EIPR1: variants seen among roughly 807,000 people sequenced by gnomAD.
EIPR1 encodes EARP complex and GARP complex interacting protein 1, also known as EARP and GARP complex-interacting protein 1.
In EIPR1, 25 loss-of-function variants were observed where a neutral mutation model predicts 48.1. The ratio of observed to expected loss-of-function variants is 0.52; its 90% CI spans 0.38 to 0.73. The LOEUF (loss-of-function observed/expected upper bound fraction) is 0.73. Among genes scored for constraint, EIPR1 ranks in the 30% least tolerant of loss-of-function variants. EIPR1 has a pLI of 0.00. For missense variants in EIPR1, 415 were observed against 506.2 expected (o/e 0.82, Z 1.73); for synonymous variants, 204 against 201.9 (o/e 1.01, Z -0.09).
Position 3,221,696 on chromosome 2 carries a change from A to C in EIPR1, c.417-7448T>G, listed in dbSNP as rs555732286. 7.3e-3 allele frequency among the ~76,000 whole-genome samples: 149 copies of C among 20,540 alleles called. 10 individuals are homozygous for C. The highest frequency in any genetic ancestry group is 0.013 in the African/African-American group (141 of 10,964). 13.5% of individuals were successfully genotyped at this position (20,540 alleles called of 152,430 possible). On this transcript the variant is annotated intron_variant, in intron 4 of 8. Coordinates refer to ENST00000382125, the MANE Select transcript of EIPR1 (RefSeq NM_003310.5). Reference sequence around the variant, plus strand: ...CCGAGGTACACTCTAGAGCATTCACAGTGAGACCGGAACACACGCACACAA... The same window carrying C: ...CCGAGGTACACTCTAGAGCATTCACCGTGAGACCGGAACACACGCACACAA...
chr2:3,357,962 A>G (rs1670768080), intron 1 of EIPR1, among the ~76,000 whole-genome samples: 1 of 152,224 alleles, frequency 6.6e-6, no homozygotes, highest in African/African-American at 2.4e-5. Flanking sequence ...TCTGACTTAC[A>G]GAACCGTAAA....
At chr2:3,253,061 T>C (rs1049056776) in intron 4 of EIPR1, among the ~76,000 whole-genome samples, 28 of 152,316 alleles carry the variant, frequency 1.8e-4, no homozygotes, top group African/African-American at 6.3e-4. Flanking sequence ...TTAAGTCTGA[T>C]AGGAAACATT....
At chr2:3,333,080 C>T (rs923991721) in intron 3 of EIPR1, among the ~76,000 whole-genome samples, 3 of 152,182 alleles carry the variant, frequency 2.0e-5, no homozygotes, top group African/African-American at 4.8e-5. Flanking sequence ...CAGCTGTGCA[C>T]GGGGAGCTCA....
At chr2:3,248,781 C>T (rs1244592111) in intron 4 of EIPR1, among the ~76,000 whole-genome samples, 3 of 152,010 alleles carry the variant, frequency 2.0e-5, no homozygotes, top group South Asian at 2.1e-4. Context: ...AAAAAGAAAA[C>T]TAAATTAAAT....
intron 5 of EIPR1, among the ~76,000 whole-genome samples, chr2:3,199,029 G>A (rs997583654): frequency 2.5e-5 from 3 of 121,508 alleles, no homozygotes; most frequent in South Asian, 2.9e-4. Context: ...AACTGCATAT[G>A]GCAGACACCC....
At chr2:3,272,963 A>C (rs1235468735) in intron 3 of EIPR1, among the ~76,000 whole-genome samples, 1 of 152,218 alleles carries the variant, frequency 6.6e-6, no homozygotes, top group Admixed American at 6.5e-5. Flanking sequence ...GACATCACCC[A>C]CTGACATGAG....
chr2:3,305,182 C>G (rs1668897523), intron 3 of EIPR1, among the ~76,000 whole-genome samples: 1 of 143,162 alleles, frequency 7.0e-6, no homozygotes, highest in African/African-American at 2.7e-5. Context: ...ACCCTCCAAT[C>G]CCATCCAGTT....
intron 3 of EIPR1, among the ~76,000 whole-genome samples, chr2:3,285,447 C>A (rs7565990): frequency 0.34 from 51,255 of 151,792 alleles, 8,795 homozygotes; most frequent in African/African-American, 0.35. Flanking sequence ...GGCTCAGGGC[C>A]AATTAAACAC....
intron 3 of EIPR1, among the ~76,000 whole-genome samples, chr2:3,263,274 A>C (rs555711629): frequency 1.3e-5 from 2 of 152,300 alleles, no homozygotes; most frequent in East Asian, 3.9e-4. Context: ...GGCATGGCCA[A>C]CTGCCTGGTG....
chr2:3,322,412 T>C (rs1669563075), intron 3 of EIPR1, among the ~76,000 whole-genome samples: 1 of 152,180 alleles, frequency 6.6e-6, no homozygotes, highest in Non-Finnish European at 1.5e-5. Flanking sequence ...CAAATGACAA[T>C]GAATGTCTAG....
rs189043107 is a variant in EIPR1 at position 3,308,301 on chromosome 2, G to A, written c.259+29716C>T. On this transcript the variant is annotated intron_variant, in intron 3 of 8. Transcript: ENST00000382125. ...TGGACAGGATGATCTTAAAGCAGCCGCCATAAAGATGCTTCCATGAGGGAC... is the reference window on the plus strand; with the variant it reads ...TGGACAGGATGATCTTAAAGCAGCCACCATAAAGATGCTTCCATGAGGGAC... 7.2e-5 allele frequency among the ~76,000 whole-genome samples: 11 copies of A among 152,256 alleles called. No individual in the cohort carries two copies. In the East Asian group the frequency reaches 1.5e-3, roughly 21 times the overall value.
chr2:3,226,874 CACATGCTCTCTTGCCTGCTGCCATGTAAG>C, intron 4 of EIPR1, among the ~76,000 whole-genome samples: 1 of 152,346 alleles, frequency 6.6e-6, no homozygotes. Flanking sequence ...AGTTCCCCTG[CACATGCTCTCTTGCCTGCTGCCATGTAAG>C]ACATGCCTTT....
At chr2:3,285,482 T>C (rs1434987881) in intron 3 of EIPR1, among the ~76,000 whole-genome samples, 1 of 152,294 alleles carries the variant, frequency 6.6e-6, no homozygotes, top group African/African-American at 2.4e-5. Context: ...TGAGCACTTC[T>C]AGCTTCAAAA....
intron 4 of EIPR1, among the ~76,000 whole-genome samples, chr2:3,255,014 C>T (rs1414176027): frequency 6.6e-6 from 1 of 151,976 alleles, no homozygotes; most frequent in African/African-American, 2.4e-5. Context: ...GAATGTACAA[C>T]CTCAAAATAA....
At chr2:3,267,872 C>T (rs1367669179) in intron 3 of EIPR1, among the ~76,000 whole-genome samples, 1 of 152,228 alleles carries the variant, frequency 6.6e-6, no homozygotes, top group African/African-American at 2.4e-5. Flanking sequence ...AGGAAGAAAT[C>T]GGCTGGCTCC....
At chr2:3,240,696 C>G (rs1389422161) in intron 4 of EIPR1, among the ~76,000 whole-genome samples, 498 of 62,690 alleles carry the variant, frequency 7.9e-3, no homozygotes, top group Admixed American at 0.014. Context: ...CCTCCTAAAG[C>G]AAAGCCAGCA....
chr2:3,225,099 G>A (rs895045726), intron 4 of EIPR1, among the ~76,000 whole-genome samples: 5 of 152,156 alleles, frequency 3.3e-5, no homozygotes, highest in Non-Finnish European at 5.9e-5. Flanking sequence ...CTATCTATAG[G>A]TCCAATCAAA....
At chr2:3,258,493 C>T (rs1439582685) in intron 3 of EIPR1, among the ~76,000 whole-genome samples, 2 of 118,478 alleles carry the variant, frequency 1.7e-5, no homozygotes, top group Non-Finnish European at 3.5e-5. Flanking sequence ...TTATATATTG[C>T]GTTAGAACAT....
At chr2:3,349,229 C>T (rs930652052) in intron 2 of EIPR1, among the ~76,000 whole-genome samples, 21 of 152,380 alleles carry the variant, frequency 1.4e-4, no homozygotes, top group African/African-American at 4.8e-4. Flanking sequence ...CAGCTCCACA[C>T]TGCGTGGGGC....
Sources: allele counts gnomAD v4.1 joint callset (sites outside exome capture counted in the v4.1 genomes callset), GRCh38; gene constraint gnomAD v4.1.1; transcripts MANE v1.5; gene names NCBI Gene and HGNC (gene_info 2026-07-23, HGNC 2026-07-21).